SOX5: variants seen among roughly 807,000 people sequenced by gnomAD.
SOX5 encodes the protein SRY-box transcription factor 5, also known as transcription factor SOX-5.
SOX5 carries 9 observed loss-of-function variants against 92.0 expected under a neutral mutation model. The observed-to-expected ratio is 0.10, with a 90% CI of 0.06 to 0.17. The LOEUF (loss-of-function observed/expected upper bound fraction) is 0.17. Among genes scored for constraint, SOX5 ranks in the 10% least tolerant of loss-of-function variants. SOX5 has a pLI of 1.00. For missense variants in SOX5, 642 were observed against 944.5 expected (o/e 0.68, Z 4.20); for synonymous variants, 344 against 336.3 (o/e 1.02, Z -0.25).
At chr12:24,520,509 A>T (rs1950176697) in intron 1 of SOX5, among the ~76,000 whole-genome samples, 1 of 152,056 alleles carries the variant, frequency 6.6e-6, no homozygotes, top group African/African-American at 2.4e-5. Context: ...ACAGTAAAAA[A>T]AAACAAAGCA....
intron 1 of SOX5, among the ~76,000 whole-genome samples, chr12:23,917,052 T>G (rs1253320232): frequency 1.3e-5 from 2 of 152,220 alleles, no homozygotes; most frequent in African/African-American, 2.4e-5. Flanking sequence ...GGACAGAACC[T>G]GAACTATTCC....
intron 8 of SOX5, among the ~76,000 whole-genome samples, chr12:23,626,215 G>T (rs1349797776): frequency 6.6e-6 from 1 of 152,072 alleles, no homozygotes; most frequent in Non-Finnish European, 1.5e-5. Context: ...GGACCAAAAA[G>T]TATATGGTGT....
At chr12:24,347,825 T>C (rs1261961860) in intron 2 of SOX5, among the ~76,000 whole-genome samples, 1 of 152,100 alleles carries the variant, frequency 6.6e-6, no homozygotes, top group Admixed American at 6.6e-5. Flanking sequence ...AAGTTAGCAA[T>C]ACTAATTACT....
intron 2 of SOX5, among the ~76,000 whole-genome samples, chr12:24,300,522 A>G (rs1391898692): frequency 6.6e-6 from 1 of 152,216 alleles, no homozygotes; most frequent in Non-Finnish European, 1.5e-5. Context: ...ACTGAGCGGT[A>G]TAACAGACCA....
chr12:24,391,684 G>T (rs1959011685), intron 1 of SOX5, among the ~76,000 whole-genome samples: 1 of 152,136 alleles, frequency 6.6e-6, no homozygotes, highest in African/African-American at 2.4e-5. Context: ...TCTATTAAAA[G>T]AAGTAAATTA....
chr12:23,950,270 ACACACACACACT>A (rs1203416240), upstream of SOX5, among the ~76,000 whole-genome samples: 1 of 152,104 alleles, frequency 6.6e-6, no homozygotes, highest in East Asian at 1.9e-4. Context: ...ACGCACACAC[ACACACACACACT>A]CACACACACA....
chr12:23,717,835 G>A (rs138525357), intron 6 of SOX5, among the ~76,000 whole-genome samples: 2 of 152,198 alleles, frequency 1.3e-5, no homozygotes, highest in African/African-American at 4.8e-5. Context: ...ACTGCAAAGA[G>A]AAAAGTTTTA....
Position 23,741,001 on chromosome 12 carries a change from T to C in SOX5, c.607A>G (p.Met203Val), listed in dbSNP as rs150313076. 1.8e-5 allele frequency: 29 copies of C among 1,608,238 alleles called. No homozygotes were observed. The highest frequency in any genetic ancestry group is 2.3e-5 in the Non-Finnish European group (27 of 1,175,790). Residue 203 changes from methionine to valine, a missense_variant, in exon 5 of 15, where the codon ATG (methionine) becomes GTG (valine). Met to Val is a conservative substitution (Grantham distance 21). Coordinates refer to ENST00000451604, the MANE Select transcript of SOX5 (RefSeq NM_006940.6). Reference sequence around the variant, plus strand: ...CTGGTCAGCTGGTTGATCATACCCATGAGTTGCCTTTCTTTCTCAGCTAAG... The same window carrying C: ...CTGGTCAGCTGGTTGATCATACCCACGAGTTGCCTTTCTTTCTCAGCTAAG... ...ESLAEKERQLMGMINQLTSLR... is the reference protein window; with the variant it reads ...ESLAEKERQLVGMINQLTSLR...
At chr12:24,469,914 C>T (rs529304252) in intron 1 of SOX5, among the ~76,000 whole-genome samples, 7 of 152,082 alleles carry the variant, frequency 4.6e-5, no homozygotes, top group East Asian at 1.9e-4. Flanking sequence ...GGGCTGGAAG[C>T]GGTAAGCAAA....
At chr12:23,722,456 G>A (rs1040803187) in intron 6 of SOX5, among the ~76,000 whole-genome samples, 7 of 152,098 alleles carry the variant, frequency 4.6e-5, no homozygotes, top group African/African-American at 1.7e-4. Flanking sequence ...CATCCATTTG[G>A]TCAAAGCTAG....
chr12:24,322,126 T>C (rs1203587416), intron 2 of SOX5, among the ~76,000 whole-genome samples: 2 of 152,158 alleles, frequency 1.3e-5, no homozygotes, highest in Admixed American at 1.3e-4. Context: ...ATCAAATTCA[T>C]CGTTCAATTT....
intron 1 of SOX5, among the ~76,000 whole-genome samples, chr12:24,455,263 G>A (rs1203415532): frequency 1.3e-5 from 2 of 152,148 alleles, no homozygotes; most frequent in Non-Finnish European, 1.5e-5. Context: ...GACGCAGGAA[G>A]AGTTCCTCTA....
chr12:24,349,911 C>T (rs570658492), intron 2 of SOX5, among the ~76,000 whole-genome samples: 3 of 152,278 alleles, frequency 2.0e-5, no homozygotes, highest in East Asian at 1.9e-4. Context: ...ACAGTGCATA[C>T]GAGTTCCAAT....
intron 3 of SOX5, among the ~76,000 whole-genome samples, chr12:24,249,445 C>T (rs913523482): frequency 8.5e-5 from 13 of 152,198 alleles, no homozygotes; most frequent in East Asian, 1.9e-4. Context: ...AAAAATCATA[C>T]CTGCTCTAGA....
At chr12:24,544,235 T>C (rs999212439) in intron 1 of SOX5, among the ~76,000 whole-genome samples, 1 of 152,250 alleles carries the variant, frequency 6.6e-6, no homozygotes, top group African/African-American at 2.4e-5. Flanking sequence ...ATAATTCTTA[T>C]AAACTCGTCT....
At chr12:23,874,201 T>A (rs902568100) in intron 2 of SOX5, among the ~76,000 whole-genome samples, 2 of 152,216 alleles carry the variant, frequency 1.3e-5, no homozygotes, top group Non-Finnish European at 2.9e-5. Context: ...TCAGTAAGAT[T>A]TAAAATGGTA....
chr12:23,878,279 C>T (rs979176387), intron 2 of SOX5, among the ~76,000 whole-genome samples: 8 of 151,836 alleles, frequency 5.3e-5, no homozygotes, highest in African/African-American at 7.2e-5. Flanking sequence ...CTTGGTGTTC[C>T]GCCTCATCCA....
intron 4 of SOX5, among the ~76,000 whole-genome samples, chr12:24,146,088 A>G (rs1251563751): frequency 2.0e-5 from 3 of 152,176 alleles, no homozygotes; most frequent in Non-Finnish European, 4.4e-5. Context: ...GAATAAGTAA[A>G]CAGAAAATCA....
At chr12:24,281,750 G>A (rs1380557630) in intron 2 of SOX5, among the ~76,000 whole-genome samples, 1 of 152,192 alleles carries the variant, frequency 6.6e-6, no homozygotes, top group Admixed American at 6.5e-5. Context: ...CAAAAGTGAA[G>A]CATGAGGGGG....
Sources: gnomAD v4.1 joint callset for allele counts (sites outside exome capture counted in the v4.1 genomes callset) on GRCh38, gnomAD v4.1.1 for gene constraint, MANE v1.5 for transcripts, NCBI Gene and HGNC (gene_info 2026-07-23, HGNC 2026-07-21) for gene names.